ACTR3C: variants seen among roughly 807,000 people sequenced by gnomAD.
ACTR3C encodes the protein actin related protein 3C, also known as actin-related protein 3C.
In ACTR3C, 18 loss-of-function variants were observed where a neutral mutation model predicts 26.3. That is an observed-to-expected ratio of 0.68 (90% CI 0.47 to 1.01). The LOEUF (loss-of-function observed/expected upper bound fraction) is 1.01. Ranked by LOEUF, ACTR3C falls within the 50% of genes least tolerant of loss-of-function variation. ACTR3C has a pLI of 0.00. For missense variants in ACTR3C, 184 were observed against 250.7 expected (o/e 0.73, Z 1.80); for synonymous variants, 55 against 94.5 (o/e 0.58, Z 2.42).
chr7:150,048,443 A>G, the ACTR3C span, among the ~76,000 whole-genome samples: 3 of 151,928 alleles, frequency 2.0e-5, no homozygotes, highest in East Asian at 5.8e-4. Flanking sequence ...AGGGTGCGTG[A>G]AGAGGGTGGA....
chr7:149,924,280 C>T, the ACTR3C span, among the ~76,000 whole-genome samples: 1 of 150,402 alleles, frequency 6.6e-6, no homozygotes, highest in Non-Finnish European at 1.5e-5. Context: ...GAGGCTGAGG[C>T]AGGAGGATTG....
At chr7:150,226,099 G>A in the ACTR3C span, among the ~76,000 whole-genome samples, 1 of 152,112 alleles carries the variant, frequency 6.6e-6, no homozygotes. Flanking sequence ...TTCACATATT[G>A]TAGAACATCT....
the ACTR3C span, among the ~76,000 whole-genome samples, chr7:149,882,693 T>C: frequency 6.6e-6 from 1 of 152,182 alleles, no homozygotes; most frequent in South Asian, 2.1e-4. Flanking sequence ...TGGACCTTAG[T>C]TAAAGCTACG....
chr7:150,208,178 C>T, the ACTR3C span, among the ~76,000 whole-genome samples: 1 of 152,236 alleles, frequency 6.6e-6, no homozygotes, highest in African/African-American at 2.4e-5. Context: ...AAGCGGATGA[C>T]GGACAACCTA....
the ACTR3C span, among the ~76,000 whole-genome samples, chr7:149,933,016 G>A: frequency 1.2e-4 from 18 of 146,060 alleles, no homozygotes; most frequent in African/African-American, 4.5e-4. Context: ...AGTAGAGAGC[G>A]GGCCTGAGCT....
At chr7:149,932,357 C>T in the ACTR3C span, among the ~76,000 whole-genome samples, 7 of 151,900 alleles carry the variant, frequency 4.6e-5, no homozygotes, top group African/African-American at 1.5e-4. Flanking sequence ...CTAATGGATA[C>T]GGGATTTCTA....
chr7:149,907,440 T>C, the ACTR3C span, among the ~76,000 whole-genome samples: 1 of 138,210 alleles, frequency 7.2e-6, no homozygotes, highest in Non-Finnish European at 1.6e-5. Flanking sequence ...GAACATCTTC[T>C]AACCTTGACT....
the ACTR3C span, among the ~76,000 whole-genome samples, chr7:149,905,474 A>AT: frequency 3.3e-5 from 5 of 149,788 alleles, no homozygotes; most frequent in Non-Finnish European, 7.4e-5. Context: ...GTAGAAATGC[A>AT]TTTTTTAAAC....
At chr7:150,039,171 T>A in the ACTR3C span, among the ~76,000 whole-genome samples, 1 of 147,494 alleles carries the variant, frequency 6.8e-6, no homozygotes, top group Non-Finnish European at 1.5e-5. Flanking sequence ...AGGGTCTGGC[T>A]CTCAGTCCCC....
the ACTR3C span, among the ~76,000 whole-genome samples, chr7:149,973,306 G>A: frequency 2.0e-5 from 3 of 152,190 alleles, no homozygotes; most frequent in African/African-American, 7.2e-5. Flanking sequence ...CCTCAAGGAA[G>A]AATAGAATTA....
chr7:150,257,744 T>C (rs955544127), intron 6 of ACTR3C, among the ~76,000 whole-genome samples: 2 of 152,144 alleles, frequency 1.3e-5, no homozygotes, highest in African/African-American at 4.8e-5. Context: ...AAGCAGAGAT[T>C]GTATATTATG....
At chr7:150,283,405 ATTTGTTT>A in intron 6 of ACTR3C, among the ~76,000 whole-genome samples, 1 of 150,194 alleles carries the variant, frequency 6.7e-6, no homozygotes, top group South Asian at 2.1e-4. Flanking sequence ...CTGAACTGTA[ATTTGTTT>A]ACACCCTCAA....
chr7:150,039,903 G>A, the ACTR3C span, among the ~76,000 whole-genome samples: 1 of 130,214 alleles, frequency 7.7e-6, no homozygotes, highest in African/African-American at 2.7e-5. Context: ...CGTGAGGGGT[G>A]CCTCCTCCCC....
At chr7:149,897,567 TA>T in the ACTR3C span, among the ~76,000 whole-genome samples, 21 of 152,188 alleles carry the variant, frequency 1.4e-4, no homozygotes, top group African/African-American at 5.1e-4. Context: ...ACAACACAGC[TA>T]TAAGAGTGAA....
the ACTR3C span, among the ~76,000 whole-genome samples, chr7:150,220,982 G>A: frequency 1.3e-5 from 2 of 152,302 alleles, no homozygotes; most frequent in Non-Finnish European, 2.9e-5. Context: ...GGGATGGTCG[G>A]GAGGTGGCAT....
At chr7:150,135,100 G>A in the ACTR3C span, among the ~76,000 whole-genome samples, 12 of 152,122 alleles carry the variant, frequency 7.9e-5, no homozygotes, top group East Asian at 1.9e-4. Flanking sequence ...GTGAAACCCC[G>A]TTTCTACTAA....
the ACTR3C span, among the ~76,000 whole-genome samples, chr7:149,903,865 CGTT>C: frequency 4.1e-4 from 21 of 50,628 alleles, no homozygotes; most frequent in African/African-American, 6.7e-4. Flanking sequence ...AGTGTAAGGG[CGTT>C]GTTGTTGTTG....
intron 4 of ACTR3C, among the ~76,000 whole-genome samples, chr7:150,289,247 C>T (rs1836023662): frequency 6.6e-6 from 1 of 151,934 alleles, no homozygotes; most frequent in African/African-American, 2.4e-5. Context: ...TTCTCAGTGA[C>T]AGCTGGAACC....
intron 1 of ACTR3C, among the ~76,000 whole-genome samples, chr7:150,301,142 A>G (rs1184456066): frequency 6.6e-6 from 1 of 152,246 alleles, no homozygotes; most frequent in East Asian, 1.9e-4. Context: ...CTCATTCCAG[A>G]AGAAATAACA....
Sources: allele counts gnomAD v4.1 joint callset (sites outside exome capture counted in the v4.1 genomes callset), GRCh38; gene constraint gnomAD v4.1.1; transcripts MANE v1.5; gene names NCBI Gene and HGNC (gene_info 2026-07-23, HGNC 2026-07-21).